Variants in ZNF521 observed in about 807,000 individuals in gnomAD.
The protein encoded by ZNF521 is zinc finger protein 521, also known as LYST-interacting protein 3.
ZNF521 carries 14 observed loss-of-function variants against 105.5 expected under a neutral mutation model. The ratio of observed to expected loss-of-function variants is 0.13; its 90% CI spans 0.09 to 0.21. The LOEUF (loss-of-function observed/expected upper bound fraction) is 0.21. ZNF521 is among the 10% of genes least tolerant of loss of function. ZNF521 has a pLI of 1.00. For missense variants in ZNF521, 1,233 were observed against 1,629.7 expected (o/e 0.76, Z 4.19); for synonymous variants, 635 against 606.0 (o/e 1.05, Z -0.70).
chr18:25,325,790 T>A (rs544671180), intron 2 of ZNF521, among the ~76,000 whole-genome samples: 1 of 152,296 alleles, frequency 6.6e-6, no homozygotes. Flanking sequence ...GCACAATTAT[T>A]ATTACAAAAG....
In ZNF521 at chr18:25,156,204, C is replaced by T. The variant is rs140200260; in HGVS notation, c.3658+38956G>A. On this transcript the variant is annotated intron_variant, in intron 5 of 7. Coordinates refer to ENST00000361524, the MANE Select transcript of ZNF521 (RefSeq NM_015461.3). ...TTTACTATATGTATTTATCTTGTAA[C>T]ATCATGTTCTATACCTTAAATACAG... Among the ~76,000 whole-genome samples, 99 of 152,232 alleles carry T rather than the reference C, an allele frequency of 6.5e-4. 1 individual carries two copies. Among genetic ancestry groups the T allele is most frequent in the African/African-American group, 2.3e-3 (95 of 41,542 alleles).
intron 3 of ZNF521, among the ~76,000 whole-genome samples, chr18:25,317,477 G>A (rs1013190856): frequency 2.0e-5 from 3 of 152,090 alleles, no homozygotes; most frequent in African/African-American, 7.2e-5. Flanking sequence ...TAAATTATAT[G>A]AATTTTAAAA....
intron 5 of ZNF521, among the ~76,000 whole-genome samples, chr18:25,176,427 T>C (rs1191559609): frequency 2.6e-5 from 4 of 152,204 alleles, no homozygotes; most frequent in African/African-American, 4.8e-5. Context: ...TCGGGTCTCA[T>C]AATGAGAAAA....
intron 3 of ZNF521, among the ~76,000 whole-genome samples, chr18:25,260,101 T>C (rs1282302737): frequency 6.6e-6 from 1 of 152,202 alleles, no homozygotes; most frequent in African/African-American, 2.4e-5. Context: ...CTGAGAGCTT[T>C]TGAGCATGAA....
intron 2 of ZNF521, among the ~76,000 whole-genome samples, chr18:25,338,259 T>TTTTTTG (rs1555666852): frequency 1.5e-4 from 20 of 136,596 alleles, no homozygotes; most frequent in African/African-American, 5.2e-4. Context: ...TCATAGACTT[T>TTTTTTG]TGTGTGTGTG....
chr18:25,164,730 C>T (rs1231778006), intron 5 of ZNF521, among the ~76,000 whole-genome samples: 2 of 152,214 alleles, frequency 1.3e-5, no homozygotes, highest in African/African-American at 4.8e-5. Flanking sequence ...GGAGATCACA[C>T]TGCTGCCCCT....
At chr18:25,196,153 GA>G (rs59815669) in intron 4 of ZNF521, among the ~76,000 whole-genome samples, 1 of 151,750 alleles carries the variant, frequency 6.6e-6, no homozygotes, top group African/African-American at 2.4e-5. Context: ...CCTTTTTGAT[GA>G]AACTTAATAT....
chr18:25,207,299 A>G (rs1374254248), intron 4 of ZNF521, among the ~76,000 whole-genome samples: 2 of 151,814 alleles, frequency 1.3e-5, no homozygotes, highest in Non-Finnish European at 2.9e-5. Context: ...CCATGAAAAC[A>G]TCCACATGTA....
chr18:25,234,435 T>C (rs1906739789), intron 3 of ZNF521, among the ~76,000 whole-genome samples: 1 of 152,248 alleles, frequency 6.6e-6, no homozygotes, highest in South Asian at 2.1e-4. Context: ...CAGTTTTTCA[T>C]TGCTTTAATC....
chr18:25,259,981 A>T (rs1908797805), intron 3 of ZNF521, among the ~76,000 whole-genome samples: 2 of 152,216 alleles, frequency 1.3e-5, no homozygotes, highest in African/African-American at 2.4e-5. Context: ...AGAGCAAACA[A>T]GGGGGAGGTT....
intron 5 of ZNF521, among the ~76,000 whole-genome samples, chr18:25,181,188 C>T (rs2035625665): frequency 6.6e-6 from 1 of 152,176 alleles, no homozygotes; most frequent in African/African-American, 2.4e-5. Flanking sequence ...CTAAACTGAG[C>T]CTATGGGCTT....
chr18:25,140,186 A>G (rs1010255739), intron 5 of ZNF521, among the ~76,000 whole-genome samples: 2 of 152,188 alleles, frequency 1.3e-5, no homozygotes, highest in Non-Finnish European at 2.9e-5. Context: ...AGAAATTTCT[A>G]TCTACTCCTG....
chr18:25,342,991 A>G (rs555936726), intron 2 of ZNF521, among the ~76,000 whole-genome samples: 2 of 152,328 alleles, frequency 1.3e-5, no homozygotes, highest in African/African-American at 2.4e-5. Context: ...AAGCACAGTG[A>G]TATTTTTTAG....
intron 4 of ZNF521, among the ~76,000 whole-genome samples, chr18:25,203,994 G>T (rs1393769807): frequency 2.0e-5 from 3 of 151,940 alleles, no homozygotes; most frequent in African/African-American, 7.3e-5. Context: ...TTAAAAGTGT[G>T]TGGCACCTCC....
chr18:25,160,090 C>T (rs1022636473), intron 5 of ZNF521, among the ~76,000 whole-genome samples: 1 of 152,194 alleles, frequency 6.6e-6, no homozygotes, highest in Non-Finnish European at 1.5e-5. Flanking sequence ...CCAGGACACT[C>T]TTCTGGTTCA....
At chr18:25,268,974 C>T (rs772139026) in intron 3 of ZNF521, among the ~76,000 whole-genome samples, 1 of 152,012 alleles carries the variant, frequency 6.6e-6, no homozygotes, top group Non-Finnish European at 1.5e-5. Flanking sequence ...AATTAAAAGA[C>T]ACAGACTAGC....
chr18:25,266,117 A>C (rs183061628), intron 3 of ZNF521, among the ~76,000 whole-genome samples: 2 of 152,326 alleles, frequency 1.3e-5, no homozygotes, highest in Admixed American at 6.5e-5. Context: ...AAGACTTAGT[A>C]TTTGATAGCA....
chr18:25,132,039 C>A (rs756066043), intron 5 of ZNF521, among the ~76,000 whole-genome samples: 21 of 152,020 alleles, frequency 1.4e-4, no homozygotes, highest in Non-Finnish European at 2.9e-4. Flanking sequence ...TCTCCCTACC[C>A]AAGATTCTGG....
At chr18:25,101,884 G>A (rs1032860763) in intron 5 of ZNF521, among the ~76,000 whole-genome samples, 1 of 152,140 alleles carries the variant, frequency 6.6e-6, no homozygotes, top group African/African-American at 2.4e-5. Context: ...TTACAGCCAA[G>A]TGGCTCAAGC....
Sources: allele counts gnomAD v4.1 joint callset (sites outside exome capture counted in the v4.1 genomes callset), GRCh38; gene constraint gnomAD v4.1.1; transcripts MANE v1.5; gene names NCBI Gene and HGNC (gene_info 2026-07-23, HGNC 2026-07-21).